BLM: variants seen among roughly 807,000 people sequenced by gnomAD.
The protein encoded by BLM is recQ-like DNA helicase BLM.
BLM carries 95 observed loss-of-function variants against 135.3 expected under a neutral mutation model. The observed-to-expected ratio is 0.70, with a 90% confidence interval of 0.59 to 0.83. BLM has a LOEUF of 0.83. Ranked by LOEUF, BLM falls within the 40% of genes least tolerant of loss-of-function variation. The pLI, the probability that BLM is intolerant of heterozygous loss-of-function variation, is 0.00. For missense variants in BLM, 1,518 were observed against 1,663.9 expected (o/e 0.91, Z 1.53); for synonymous variants, 520 against 589.2 (o/e 0.88, Z 1.70).
At chr15:90,810,871 G>A (rs1039265924) in intron 20 of BLM, among the ~76,000 whole-genome samples, 10 of 152,050 alleles carry the variant, frequency 6.6e-5, no homozygotes, top group Non-Finnish European at 1.0e-4. Context: ...TTTTTGAATT[G>A]CCTACCAGAA....
At chr15:90,742,309 C>T (rs1016469324) in intron 1 of BLM, among the ~76,000 whole-genome samples, 7 of 152,182 alleles carry the variant, frequency 4.6e-5, no homozygotes, top group Non-Finnish European at 1.0e-4. Flanking sequence ...GCTTACAGAG[C>T]GACGCTCTGT....
intron 17 of BLM, among the ~76,000 whole-genome samples, chr15:90,801,812 T>C (rs1897170956): frequency 6.6e-6 from 1 of 152,188 alleles, no homozygotes; most frequent in African/African-American, 2.4e-5. Context: ...TTCCAGCACT[T>C]TGGGAGGCCA....
intron 5 of BLM, among the ~76,000 whole-genome samples, chr15:90,759,501 G>C (rs1895903192): frequency 6.6e-6 from 1 of 152,190 alleles, no homozygotes; most frequent in South Asian, 2.1e-4. Flanking sequence ...GGCTGAGGCA[G>C]GAGGATCTCT....
chr15:90,751,539 C>T (rs1459989115), intron 3 of BLM, among the ~76,000 whole-genome samples: 1 of 152,230 alleles, frequency 6.6e-6, no homozygotes, highest in African/African-American at 2.4e-5. Flanking sequence ...TAACCAGAGA[C>T]AGACATGAAA....
At chr15:90,799,427 A>C (rs1897112543) in intron 17 of BLM, among the ~76,000 whole-genome samples, 1 of 152,046 alleles carries the variant, frequency 6.6e-6, no homozygotes, top group Non-Finnish European at 1.5e-5. Flanking sequence ...AAGAAAATTT[A>C]GGAACTGATC....
intron 1 of BLM, among the ~76,000 whole-genome samples, chr15:90,745,402 T>G (rs1895473699): frequency 6.6e-6 from 1 of 152,136 alleles, no homozygotes; most frequent in Non-Finnish European, 1.5e-5. Flanking sequence ...GGGATACAAG[T>G]GTAGACTTCT....
At chr15:90,724,122 T>C (rs1894844778) in intron 1 of BLM, among the ~76,000 whole-genome samples, 1 of 151,966 alleles carries the variant, frequency 6.6e-6, no homozygotes, top group Non-Finnish European at 1.5e-5. Flanking sequence ...AGATGATCCT[T>C]CTGCCTCAGC....
At chr15:90,770,204 C>T (rs1436669364) in intron 12 of BLM, among the ~76,000 whole-genome samples, 2 of 122,652 alleles carry the variant, frequency 1.6e-5, no homozygotes, top group African/African-American at 3.1e-5. Context: ...GATGGAGTCT[C>T]GCTCTGTCGC....
chr15:90,789,422 A>C (rs1033645525), intron 14 of BLM, among the ~76,000 whole-genome samples: 3 of 152,196 alleles, frequency 2.0e-5, no homozygotes, highest in African/African-American at 7.2e-5. Flanking sequence ...TGGGAGATGC[A>C]CCTGGACTTC....
chr15:90,726,801 A>G (rs1465062923), intron 1 of BLM, among the ~76,000 whole-genome samples: 1 of 152,188 alleles, frequency 6.6e-6, no homozygotes, highest in East Asian at 1.9e-4. Context: ...TGTTGTATAA[A>G]TGTACTATAA....
chr15:90,755,294 C>T (rs1294260298), intron 5 of BLM: 11 of 292,702 alleles, frequency 3.8e-5, no homozygotes, highest in Non-Finnish European at 5.2e-5. Context: ...GACCACAGAG[C>T]GTAATCTCAT....
At chr15:90,757,308 G>A (rs2151154600) in intron 5 of BLM, among the ~76,000 whole-genome samples, 1 of 152,228 alleles carries the variant, frequency 6.6e-6, no homozygotes, top group South Asian at 2.1e-4. Flanking sequence ...ACGTGTCAGT[G>A]ACAGGGGCTC....
intron 1 of BLM, among the ~76,000 whole-genome samples, chr15:90,737,358 G>A (rs568296865): frequency 3.2e-4 from 49 of 152,250 alleles, no homozygotes; most frequent in Middle Eastern, 3.4e-3. Flanking sequence ...TCCTAGATCT[G>A]TCTACTAAAA....
intron 14 of BLM, among the ~76,000 whole-genome samples, chr15:90,787,891 A>G (rs1390690337): frequency 1.3e-5 from 2 of 152,038 alleles, no homozygotes; most frequent in Non-Finnish European, 2.9e-5. Flanking sequence ...CGAAGGTTGC[A>G]GTGAGCCGAG....
At chr15:90,776,149 T>C (rs1227921230) in intron 12 of BLM, among the ~76,000 whole-genome samples, 1 of 152,224 alleles carries the variant, frequency 6.6e-6, no homozygotes, top group African/African-American at 2.4e-5. Context: ...TTCCTTCTGA[T>C]GTATATGCCA....
intron 16 of BLM, among the ~76,000 whole-genome samples, chr15:90,794,723 A>G: frequency 6.7e-6 from 1 of 148,968 alleles, no homozygotes; most frequent in East Asian, 1.9e-4. Context: ...AATATAATAC[A>G]TTATATTAAA....
chr15:90,773,737 G>T lies in BLM; in HGVS notation c.2555+4151G>T, dbSNP rs535379844. Among the ~76,000 whole-genome samples, 7 of 152,108 alleles carry T rather than the reference G, an allele frequency of 4.6e-5. No homozygotes were observed. In the South Asian group the frequency reaches 8.3e-4, roughly 18 times the overall value. On this transcript the variant is annotated intron_variant, in intron 12 of 21. Coordinates refer to ENST00000355112, the MANE Select transcript of BLM (RefSeq NM_000057.4). ...TATAAATGGAATCACATAACATGTGGCCTTTTGTGACTGACTTCTTTCACT... is the reference window on the plus strand; with the variant it reads ...TATAAATGGAATCACATAACATGTGTCCTTTTGTGACTGACTTCTTTCACT...
chr15:90,723,347 T>C (rs868714278), intron 1 of BLM, among the ~76,000 whole-genome samples: 2 of 151,096 alleles, frequency 1.3e-5, no homozygotes, highest in Non-Finnish European at 1.5e-5. Context: ...TTCTTTTCTT[T>C]TTTTTTTTTT....
At chr15:90,748,463 A>G (rs1895569277) in intron 2 of BLM, among the ~76,000 whole-genome samples, 1 of 152,190 alleles carries the variant, frequency 6.6e-6, no homozygotes, top group Non-Finnish European at 1.5e-5. Context: ...AGGAAACTAC[A>G]GCTCTCCAGT....
Sources: allele counts gnomAD v4.1 joint callset (sites outside exome capture counted in the v4.1 genomes callset), GRCh38; gene constraint gnomAD v4.1.1; transcripts MANE v1.5; gene names NCBI Gene and HGNC (gene_info 2026-07-23, HGNC 2026-07-21).